Variants in DIXDC1 observed in about 807,000 individuals in gnomAD.
The protein encoded by DIXDC1 is dixin.
A neutral mutation model predicts 103.1 loss-of-function variants in DIXDC1; 64 were observed. That is an observed-to-expected ratio of 0.62 (90% CI 0.51 to 0.76). DIXDC1 has a LOEUF of 0.76. Ranked by LOEUF, DIXDC1 falls within the 30% of genes least tolerant of loss-of-function variation. The pLI is 0.00. For synonymous variants in DIXDC1, 266 were observed against 298.5 expected, an observed-to-expected ratio of 0.89 and a Z score of 1.12; for missense variants, 759 against 834.2, an observed-to-expected ratio of 0.91 and a Z score of 1.11.
At chr11:112,016,182 A>C (rs1290789609) in intron 17 of DIXDC1, 1 of 151,888 alleles carries the variant, frequency 6.6e-6, no homozygotes, top group African/African-American at 2.4e-5. Flanking sequence ...AACACTATAG[A>C]TCTTAAGTTG....
intron 17 of DIXDC1, among the ~76,000 whole-genome samples, chr11:112,001,590 A>T (rs1861066363): frequency 6.6e-6 from 1 of 152,140 alleles, no homozygotes; most frequent in South Asian, 2.1e-4. Context: ...AAAAAATCGT[A>T]ACTTTCTTGA....
intron 3 of DIXDC1, among the ~76,000 whole-genome samples, chr11:111,973,774 A>G (rs1026769121): frequency 1.3e-5 from 2 of 152,226 alleles, no homozygotes; most frequent in Admixed American, 1.3e-4. Context: ...CATCTAGATA[A>G]GATGTCTCTA....
chr11:111,967,501 C>T (rs1859777169), intron 2 of DIXDC1, among the ~76,000 whole-genome samples: 1 of 152,232 alleles, frequency 6.6e-6, no homozygotes, highest in Non-Finnish European at 1.5e-5. Context: ...CTAGCCCAAA[C>T]CATCATGTCC....
chr11:111,929,134 G>C (rs587648706), intron 1 of DIXDC1, among the ~76,000 whole-genome samples: 4 of 152,116 alleles, frequency 2.6e-5, no homozygotes, highest in Non-Finnish European at 5.9e-5. Context: ...AGCCGAGCTC[G>C]TGCCACCGCA....
At chr11:111,971,549 T>G (rs1484005499) in intron 3 of DIXDC1, among the ~76,000 whole-genome samples, 2 of 152,280 alleles carry the variant, frequency 1.3e-5, no homozygotes, top group African/African-American at 2.4e-5. Context: ...GTTTGGAGAT[T>G]TCTCTAAGAA....
At chr11:111,999,218 T>G (rs1860992106) in intron 17 of DIXDC1, among the ~76,000 whole-genome samples, 1 of 152,246 alleles carries the variant, frequency 6.6e-6, no homozygotes, top group Non-Finnish European at 1.5e-5. Context: ...TATTGTACTT[T>G]CTGAACCCAC....
chr11:111,975,470 T>C, intron 5 of DIXDC1: 2 of 1,002,332 alleles, frequency 2.0e-6, no homozygotes, highest in Non-Finnish European at 2.4e-6. Flanking sequence ...CTGATTAGTA[T>C]GTGTTTGAGC....
At chr11:111,960,998 G>C (rs1859556415) in intron 1 of DIXDC1, among the ~76,000 whole-genome samples, 1 of 152,198 alleles carries the variant, frequency 6.6e-6, no homozygotes, top group African/African-American at 2.4e-5. Flanking sequence ...TTGTGACCTT[G>C]ACGTGCAGCC....
At chr11:112,011,612 A>C (rs1172070419) in intron 17 of DIXDC1, among the ~76,000 whole-genome samples, 1 of 152,246 alleles carries the variant, frequency 6.6e-6, no homozygotes, top group Non-Finnish European at 1.5e-5. Context: ...ACCATGGAAT[A>C]CTATGCAGCC....
intron 1 of DIXDC1, among the ~76,000 whole-genome samples, chr11:111,960,110 A>G (rs1243347803): frequency 2.6e-5 from 4 of 151,542 alleles, no homozygotes; most frequent in African/African-American, 9.7e-5. Context: ...GGGTTTCACC[A>G]TGTTGGCCAG....
chr11:111,975,410 T>A (rs1860064899), intron 5 of DIXDC1: 1 of 1,034,176 alleles, frequency 9.7e-7, no homozygotes, highest in African/African-American at 1.7e-5. Context: ...TTGAGCAGAG[T>A]TGTCTTAGAG....
At position 112,019,048 on chromosome 11, in the gene DIXDC1, A is replaced by T; in HGVS notation, c.*12A>T. 6.2e-7 allele frequency: 1 copy of T among 1,610,726 alleles called. No homozygotes were observed. The highest frequency in any genetic ancestry group is 8.5e-7 in the Non-Finnish European group (1 of 1,177,336). ...ATGGAGAGAATTAATGCCAAGTATC[A>T]GATTGAGGGCTTATGGAACCTGGTC... On this transcript the variant is annotated 3_prime_UTR_variant, in exon 20 of 20. Coordinates refer to ENST00000440460, the MANE Select transcript of DIXDC1 (RefSeq NM_001037954.4).
Position 112,020,222 on chromosome 11 carries a change from A to T in DIXDC1, c.*1186A>T, listed in dbSNP as rs1283344391. ...ATTATTTGATAACCTGGGTTTTCTC[A>T]TTCATCCATCAAGCACCATCAACCA... On this transcript the variant is annotated 3_prime_UTR_variant, in exon 20 of 20. Coordinates refer to ENST00000440460, the MANE Select transcript of DIXDC1 (RefSeq NM_001037954.4). 1 of 152,616 alleles carries T rather than the reference A, an allele frequency of 6.6e-6. No individual in the cohort carries two copies. Among genetic ancestry groups the T allele is most frequent in the Admixed American group, 6.5e-5 (1 of 15,290 alleles). 9.5% of individuals were successfully genotyped at this position (152,616 alleles called of 1,614,324 possible).
At chr11:112,018,474 T>A (rs1555178036) in intron 19 of DIXDC1, among the ~76,000 whole-genome samples, 1 of 152,240 alleles carries the variant, frequency 6.6e-6, no homozygotes, top group Non-Finnish European at 1.5e-5. Flanking sequence ...TAAAATTTTA[T>A]TTTGTAAACA....
intron 1 of DIXDC1, among the ~76,000 whole-genome samples, chr11:111,929,029 A>T (rs1351862938): frequency 6.6e-5 from 10 of 151,882 alleles, no homozygotes; most frequent in Admixed American, 4.6e-4. Context: ...AGTACCAAAA[A>T]TTAGCTGGGC....
chr11:112,009,596 A>T (rs2137627496), intron 17 of DIXDC1, among the ~76,000 whole-genome samples: 1 of 152,332 alleles, frequency 6.6e-6, no homozygotes, highest in East Asian at 1.9e-4. Context: ...CAGCACATCA[A>T]AAAGCTTATC....
intron 10 of DIXDC1, 95 bp from the exon 11 acceptor site, chr11:111,992,320 A>G (rs1860736313): frequency 6.2e-6 from 7 of 1,135,548 alleles, no homozygotes; most frequent in Non-Finnish European, 8.8e-6. Flanking sequence ...GCCATAACGA[A>G]TGCTGGAAAC....
chr11:111,984,935 ATG>A (rs200362575), intron 7 of DIXDC1, among the ~76,000 whole-genome samples: 1,651 of 152,264 alleles, frequency 0.011, 36 homozygotes, highest in African/African-American at 0.038. Flanking sequence ...CCAGTTTGAA[ATG>A]TGTTGTGTCT....
At position 111,964,323 on chromosome 11, in the gene DIXDC1, G is replaced by A. The variant is rs138176165; in HGVS notation, c.61-226G>A. On this transcript the variant is annotated intron_variant, in intron 1 of 19. Transcript: ENST00000440460. The stretch of plus-strand genomic sequence containing the variant: ...TGTGTCTACAGTGCCACCCAAGTCC[G>A]AGGTTAGCTTATCACTGGAGATTAG... 4.6e-5 allele frequency among the ~76,000 whole-genome samples: 7 copies of A among 152,322 alleles called. No individual in the cohort carries two copies. The East Asian group carries it at 9.6e-4, about 21-fold the overall frequency.
Sources: gnomAD v4.1 joint callset for allele counts (sites outside exome capture counted in the v4.1 genomes callset) on GRCh38, gnomAD v4.1.1 for gene constraint, MANE v1.5 for transcripts, NCBI Gene and HGNC (gene_info 2026-07-23, HGNC 2026-07-21) for gene names.